ZNF600: variants seen among roughly 807,000 people sequenced by gnomAD.
ZNF600 encodes zinc finger protein KR-ZNF1.
In ZNF600, 4 loss-of-function variants were observed where a neutral mutation model predicts 7.3. That is an observed-to-expected ratio of 0.55 (90% CI 0.27 to 1.25). ZNF600 has a LOEUF of 1.25. Ranked by LOEUF, ZNF600 falls within the 50% of genes most tolerant of loss-of-function variation. The pLI is 0.12. For missense variants in ZNF600, 911 were observed against 922.1 expected, an observed-to-expected ratio of 0.99 and a Z score of 0.16; for synonymous variants, 290 against 308.9, an observed-to-expected ratio of 0.94 and a Z score of 0.64.
the ZNF600 span, among the ~76,000 whole-genome samples, chr19:52,795,529 T>A: frequency 3.2e-4 from 48 of 152,294 alleles, no homozygotes; most frequent in Middle Eastern, 0.01. Context: ...TGTGACTTCG[T>A]AAGATTATAC....
intron 3 of ZNF600, among the ~76,000 whole-genome samples, chr19:52,772,376 G>C (rs1256121612): frequency 1.3e-5 from 2 of 151,710 alleles, no homozygotes; most frequent in African/African-American, 2.4e-5. Flanking sequence ...GCTCAGGCAG[G>C]TACATCACTT....
rs768109462 is a variant in ZNF600, at chr19:52,765,931, G to A, written c.2032C>T (p.Pro678Ser). 3.1e-6 allele frequency: 5 copies of A among 1,614,134 alleles called. No individual in the cohort carries two copies. The Admixed American group carries it at 8.3e-5, about 27-fold the overall frequency. Residue 678 changes from proline to serine, a missense_variant, in exon 4 of 4, where the codon CCT (proline) becomes TCT (serine). Transcript: ENST00000648973. ...TTCCCACATTCATTACACTTGTAAG[G>A]TTTCTCTGCAGTGTGAATTCTGGTA...
chr19:52,827,294 C>T, the ZNF600 span, among the ~76,000 whole-genome samples: 1 of 149,052 alleles, frequency 6.7e-6, no homozygotes. Context: ...AAATGCATTA[C>T]AAAATCAGAA....
chr19:52,821,917 A>T, the ZNF600 span, among the ~76,000 whole-genome samples: 1 of 111,014 alleles, frequency 9.0e-6, no homozygotes, highest in African/African-American at 3.4e-5. Context: ...AAAAAATAAA[A>T]AAATAAAAAA....
the ZNF600 span, chr19:52,798,673 A>C: frequency 2.3e-6 from 1 of 439,176 alleles, no homozygotes; most frequent in Non-Finnish European, 4.6e-6. Flanking sequence ...CCTTGCCACA[A>C]TCATGACATT....
chr19:52,811,690 G>A, the ZNF600 span, among the ~76,000 whole-genome samples: 16 of 146,948 alleles, frequency 1.1e-4, no homozygotes, highest in African/African-American at 3.1e-4. Context: ...GAGCCCCTCC[G>A]TCCGGCAACC....
chr19:52,820,994 G>C, the ZNF600 span, among the ~76,000 whole-genome samples: 1 of 152,062 alleles, frequency 6.6e-6, no homozygotes, highest in Non-Finnish European at 1.5e-5. Flanking sequence ...CATTTTCCCA[G>C]AGCTGGAGCT....
upstream of ZNF600, among the ~76,000 whole-genome samples, chr19:52,788,344 G>A (rs2062782155): frequency 6.6e-6 from 1 of 152,138 alleles, no homozygotes; most frequent in Non-Finnish European, 1.5e-5. Flanking sequence ...ACCTGAGGAA[G>A]AGCCATCCCT....
At chr19:52,809,826 G>GCGGCGGCA in the ZNF600 span, 1 of 318,840 alleles carries the variant, frequency 3.1e-6, no homozygotes, top group Non-Finnish European at 6.3e-6. Flanking sequence ...CGGCGAAGGC[G>GCGGCGGCA]GCGGCGGCGG....
exon 4 of ZNF600, chr19:52,765,457 C>A (rs887678812): frequency 9.6e-6 from 13 of 1,360,846 alleles, no homozygotes; most frequent in Non-Finnish European, 1.4e-5. Context: ...TGTCAATGAA[C>A]TGCAATGTAT....
chr19:52,786,997 T>A (rs1409967302), upstream of ZNF600, among the ~76,000 whole-genome samples: 1 of 152,260 alleles, frequency 6.6e-6, no homozygotes, highest in Non-Finnish European at 1.5e-5. Context: ...AGCCCTGGAA[T>A]TATCTGGAAC....
the ZNF600 span, among the ~76,000 whole-genome samples, chr19:52,833,408 G>A: frequency 1.3e-5 from 2 of 152,268 alleles, no homozygotes; most frequent in Middle Eastern, 3.4e-3. Context: ...CAGGTGAGAG[G>A]AACTGAGGGC....
the ZNF600 span, among the ~76,000 whole-genome samples, chr19:52,811,017 G>A: frequency 2.0e-5 from 3 of 146,450 alleles, no homozygotes; most frequent in Non-Finnish European, 4.5e-5. Context: ...AGCCTGCCGA[G>A]TGCCTGCGAT....
chr19:52,810,303 G>A, the ZNF600 span: 31 of 1,551,370 alleles, frequency 2.0e-5, no homozygotes, highest in Admixed American at 1.3e-4. Flanking sequence ...GGAGGCTGAT[G>A]CCCGTTCCAT....
upstream of ZNF600, among the ~76,000 whole-genome samples, chr19:52,787,597 A>G (rs541602801): frequency 3.0e-4 from 45 of 150,812 alleles, no homozygotes; most frequent in South Asian, 1.9e-3. Flanking sequence ...GCTGGCTCAC[A>G]CCTGTAATCT....
the ZNF600 span, chr19:52,810,561 A>AC: frequency 4.4e-6 from 7 of 1,594,206 alleles, no homozygotes; most frequent in Non-Finnish European, 6.0e-6. Context: ...AGCACAACAG[A>AC]CCGGGGTCTT....
the ZNF600 span, among the ~76,000 whole-genome samples, chr19:52,811,720 G>A: frequency 6.7e-6 from 1 of 149,934 alleles, no homozygotes; most frequent in Non-Finnish European, 1.5e-5. Flanking sequence ...GGGAAGTGAG[G>A]AGCGTCTCCG....
chr19:52,783,640 C>T (rs1232713171), intron 1 of ZNF600, among the ~76,000 whole-genome samples: 5 of 152,310 alleles, frequency 3.3e-5, no homozygotes, highest in African/African-American at 1.2e-4. Context: ...GGATTACAAG[C>T]GTGAGCCACT....
At chr19:52,783,518 C>T (rs1050166457) in intron 1 of ZNF600, among the ~76,000 whole-genome samples, 2 of 151,996 alleles carry the variant, frequency 1.3e-5, no homozygotes, top group Non-Finnish European at 2.9e-5. Flanking sequence ...CCCGCCACCA[C>T]GCCCGGCTAA....
Sources: allele counts gnomAD v4.1 joint callset (sites outside exome capture counted in the v4.1 genomes callset), GRCh38; gene constraint gnomAD v4.1.1; transcripts MANE v1.5; gene names NCBI Gene and HGNC (gene_info 2026-07-23, HGNC 2026-07-21).